The following CHL1 variants were observed in gnomAD, a reference collection of about 807,000 sequenced individuals.
CHL1 encodes the protein neural cell adhesion molecule L1-like protein.
A neutral mutation model predicts 141.9 loss-of-function variants in CHL1; 96 were observed. The ratio of observed to expected loss-of-function variants is 0.68; its 90% CI spans 0.57 to 0.80. The LOEUF is 0.80. Among genes scored for constraint, CHL1 ranks in the 30% least tolerant of loss-of-function variants. The pLI is 0.00. For synonymous variants in CHL1, 613 were observed against 502.2 expected (o/e 1.22, Z -2.95); for missense variants, 1,820 against 1,457.2 (o/e 1.25, Z -4.05).
chr3:354,433 GCACACA>G (rs3836376), intron 10 of CHL1, among the ~76,000 whole-genome samples: 49 of 149,040 alleles, frequency 3.3e-4, no homozygotes, highest in Non-Finnish European at 5.7e-4. Context: ...TTAAACACAA[GCACACA>G]CACACACACA....
intron 25 of CHL1, 41 bp from the exon 26 acceptor site, chr3:398,976 G>A (rs370296918): frequency 6.3e-6 from 10 of 1,593,296 alleles, no homozygotes; most frequent in East Asian, 2.2e-5. Context: ...ACAAAAGACT[G>A]TTTCTAGTTT....
rs778106987 is a variant in CHL1, at chr3:325,994, G to T, written c.127G>T (p.Val43Phe). ...TCCAACAATCATAAAACAGTCAAAAGTCCAAGTTGCCTTTCCCTTCGATGA... is the reference window on the plus strand; with the variant it reads ...TCCAACAATCATAAAACAGTCAAAATTCCAAGTTGCCTTTCCCTTCGATGA... Reference protein sequence around the residue: ...QVPTIIKQSKVQVAFPFDEYF... With the variant: ...QVPTIIKQSKFQVAFPFDEYF... The change falls in exon 4 of 28, where the codon GTC becomes TTC. Residue 43 changes from valine (V) to phenylalanine (F), a missense_variant. Coordinates refer to ENST00000256509, the MANE Select transcript of CHL1 (RefSeq NM_006614.4). 28 of 1,611,602 alleles carry T rather than the reference G, an allele frequency of 1.7e-5. No individual in the cohort carries two copies. In the Middle Eastern group the frequency reaches 4.9e-4, roughly 28 times the overall value.
rs753846280 is a variant in CHL1 at position 394,837 on chromosome 3, C to T, written c.3059C>T (p.Pro1020Leu). 11 of 1,613,098 alleles carry T rather than the reference C, an allele frequency of 6.8e-6. No individual in the cohort carries two copies. The highest frequency in any genetic ancestry group is 1.3e-5 in the African/African-American group (1 of 74,940). Residue 1020 changes from proline (P) to leucine (L), a missense_variant, in exon 24 of 28, where the codon CCG (proline) becomes CTG (leucine). By Grantham distance (98) the Pro-to-Leu change is moderately conservative. Transcript: ENST00000256509. ...RACTSQGCGK[P>L]ITEESSTLGE... is the part of the protein sequence containing the mutation. ...TGCACTTCACAGGGCTGTGGAAAAC[C>T]GATCACGGAGGAAAGCTCCACCTTA...
intron 2 of CHL1, among the ~76,000 whole-genome samples, chr3:267,567 C>G (rs1028273342): frequency 1.4e-5 from 2 of 147,164 alleles, no homozygotes; most frequent in Non-Finnish European, 3.0e-5. Flanking sequence ...AAACCAAAAG[C>G]AAAATCTGTA....
chr3:205,992 C>T (rs1179778720), intron 1 of CHL1, among the ~76,000 whole-genome samples: 3 of 152,096 alleles, frequency 2.0e-5, no homozygotes, highest in Admixed American at 6.5e-5. Flanking sequence ...AGTGCCCCCT[C>T]GATTAGCAGG....
intron 5 of CHL1, among the ~76,000 whole-genome samples, chr3:329,062 C>G (rs1701235939): frequency 6.6e-6 from 1 of 152,242 alleles, no homozygotes; most frequent in Middle Eastern, 3.4e-3. Context: ...GTGTATTTAT[C>G]AGTAATCGTC....
chr3:353,109 C>A (rs375558469), intron 10 of CHL1, among the ~76,000 whole-genome samples: 4 of 152,258 alleles, frequency 2.6e-5, no homozygotes, highest in South Asian at 4.1e-4. Flanking sequence ...TAATTTGGAA[C>A]CTCTTTCAGT....
In CHL1 at chr3:333,751, C is replaced by A. The variant is rs139319722; in HGVS notation, c.385+5397C>A. Among the ~76,000 whole-genome samples the A allele has an allele frequency of 1.1e-3, 165 of 152,226 alleles. 1 individual carries two copies. The highest frequency in any genetic ancestry group is 3.7e-3 in the African/African-American group (152 of 41,534). ...CTGTGCATGTATATGGTGATTGGGTCTGGAAAGGAAGGGAGCTACTCTCTT... is the reference window on the plus strand; with the variant it reads ...CTGTGCATGTATATGGTGATTGGGTATGGAAAGGAAGGGAGCTACTCTCTT... On this transcript the variant is annotated intron_variant, in intron 5 of 27. Transcript: ENST00000256509.
intron 1 of CHL1, among the ~76,000 whole-genome samples, chr3:214,016 G>A (rs1023984469): frequency 6.6e-6 from 1 of 152,154 alleles, no homozygotes; most frequent in Non-Finnish European, 1.5e-5. Flanking sequence ...GTGGAATATG[G>A]ATACCTTTAC....
intron 5 of CHL1, among the ~76,000 whole-genome samples, chr3:332,466 C>T (rs1701515887): frequency 6.6e-6 from 1 of 152,118 alleles, no homozygotes; most frequent in South Asian, 2.1e-4. Context: ...GACGATATTC[C>T]TATTTTGTAA....
intron 2 of CHL1, among the ~76,000 whole-genome samples, chr3:279,042 C>G (rs887569044): frequency 6.6e-6 from 1 of 152,060 alleles, no homozygotes; most frequent in African/African-American, 2.4e-5. Context: ...GAAAAAGGGA[C>G]CCACAGAAAA....
Position 406,460 on chromosome 3 carries a change from T to C in CHL1, c.*749T>C, listed in dbSNP as rs1437442256. 3 of 151,970 alleles carry C rather than the reference T, an allele frequency of 2.0e-5. No homozygotes were observed. Among genetic ancestry groups the C allele is most frequent in the South Asian group, 4.1e-4 (2 of 4,828 alleles). 9.4% of individuals were successfully genotyped at this position (151,970 alleles called of 1,614,324 possible). A position where few individuals can be genotyped will look rare whatever the true frequency, so the allele number is the denominator to read the frequency against. ...ATGGAAGCGGTGGTCAGAAGGTTGT[T>C]TTATACGAGAACAGGCAGAAAGTGC... On this transcript the variant is annotated 3_prime_UTR_variant, in exon 28 of 28. Transcript: ENST00000256509.
chr3:343,172 G>GC lies in CHL1; in HGVS notation c.727+147dup, dbSNP rs1298765485. Reference sequence around the variant, plus strand: ...ACATCTGAACTTAGAGGGTTCTATTGCCCCCCATGCCCTCTTAAATATATG... The same window carrying GC: ...ACATCTGAACTTAGAGGGTTCTATTGCCCCCCCATGCCCTCTTAAATATATG... On this transcript the variant is annotated intron_variant, in intron 8 of 27. Transcript: ENST00000256509. 1.1e-5 allele frequency: 6 copies of GC among 555,748 alleles called. No homozygotes were observed. The East Asian group carries it at 1.2e-4, about 12-fold the overall frequency. 34.4% of individuals were successfully genotyped at this position (555,748 alleles called of 1,614,324 possible).
chr3:250,202 C>G (rs975450690), intron 2 of CHL1, among the ~76,000 whole-genome samples: 1 of 151,956 alleles, frequency 6.6e-6, no homozygotes, highest in African/African-American at 2.4e-5. Context: ...TGAGCTCAAG[C>G]AATTCTCCTG....
rs17021539 is a variant in CHL1 at position 298,020 on chromosome 3, T to C, written c.-94-21663T>C. 4.5e-3 allele frequency among the ~76,000 whole-genome samples: 688 copies of C among 152,342 alleles called. 11 individuals carry two copies. Among genetic ancestry groups the C allele is most frequent in the African/African-American group, 0.016 (654 of 41,572 alleles). ...GTCATCTTGATAATCATTTGTGTTA[T>C]GTTAATGCACTCCAAAGTGGACTTG... On this transcript the variant is annotated intron_variant, in intron 2 of 27. Coordinates refer to ENST00000256509, the MANE Select transcript of CHL1 (RefSeq NM_006614.4).
intron 2 of CHL1, among the ~76,000 whole-genome samples, chr3:287,955 A>G (rs1461676794): frequency 1.3e-5 from 2 of 152,070 alleles, no homozygotes; most frequent in Admixed American, 1.3e-4. Context: ...TTTAGTAGAG[A>G]TGGGGTTTTA....
rs116125933 is a variant in CHL1, at chr3:243,293, C to T, written c.-174-1320C>T. Reference sequence around the variant, plus strand: ...CAACATGGGAGCCAGGTTCTGTACTCTTCTACTTAGGTAAACTTCTGTCAG... The same window carrying T: ...CAACATGGGAGCCAGGTTCTGTACTTTTCTACTTAGGTAAACTTCTGTCAG... On this transcript the variant is annotated intron_variant, in intron 1 of 27. Transcript: ENST00000256509. 2.4e-3 allele frequency among the ~76,000 whole-genome samples: 362 copies of T among 152,250 alleles called. 4 individuals carry two copies. The highest frequency in any genetic ancestry group is 8.2e-3 in the African/African-American group (342 of 41,546).
intron 15 of CHL1, among the ~76,000 whole-genome samples, chr3:374,293 A>G (rs1347530407): frequency 6.6e-6 from 1 of 152,056 alleles, no homozygotes; most frequent in African/African-American, 2.4e-5. Context: ...GAGATTAATT[A>G]TATACCTCTA....
intron 2 of CHL1, among the ~76,000 whole-genome samples, chr3:297,765 G>T (rs1355868630): frequency 6.6e-6 from 1 of 152,176 alleles, no homozygotes; most frequent in African/African-American, 2.4e-5. Context: ...TAGCTTCAAA[G>T]AGAGCTCCGT....
Sources: allele counts gnomAD v4.1 joint callset (sites outside exome capture counted in the v4.1 genomes callset), GRCh38; gene constraint gnomAD v4.1.1; transcripts MANE v1.5; gene names NCBI Gene and HGNC (gene_info 2026-07-23, HGNC 2026-07-21).